Variants in MYLK4 observed in about 807,000 individuals in gnomAD.
The protein encoded by MYLK4 is caMLCK like.
Under a neutral mutation model 48.1 loss-of-function variants are expected in MYLK4, and 46 were observed. The ratio of observed to expected loss-of-function variants is 0.96; its 90% CI spans 0.75 to 1.22. MYLK4 has a LOEUF of 1.22. Ranked by LOEUF, MYLK4 falls within the 50% of genes most tolerant of loss-of-function variation. The probability of loss-of-function intolerance (pLI) is 0.00; values close to 1 mark genes in which losing one functional copy is unlikely to be tolerated. For synonymous variants in MYLK4, 170 were observed against 180.8 expected (o/e 0.94, Z 0.48); for missense variants, 451 against 486.1 (o/e 0.93, Z 0.68).
At chr6:2,681,068 T>C (rs1761280342) in intron 7 of MYLK4, among the ~76,000 whole-genome samples, 1 of 152,084 alleles carries the variant, frequency 6.6e-6, no homozygotes, top group South Asian at 2.1e-4. Flanking sequence ...CTTGGGAAAG[T>C]AAGAGATTTG....
chr6:2,717,946 C>T (rs1048074311), intron 2 of MYLK4, among the ~76,000 whole-genome samples: 19 of 152,094 alleles, frequency 1.2e-4, no homozygotes, highest in Non-Finnish European at 2.4e-4. Flanking sequence ...TTTGGGCGGC[C>T]GAGGCAGGCG....
At chr6:2,749,926 G>A (rs959456235) in intron 1 of MYLK4, among the ~76,000 whole-genome samples, 3 of 152,064 alleles carry the variant, frequency 2.0e-5, no homozygotes, top group Non-Finnish European at 4.4e-5. Context: ...GTCTTCTCAC[G>A]TGGACAGCAC....
chr6:2,752,273 T>G (rs951970840), upstream of MYLK4, among the ~76,000 whole-genome samples: 1 of 152,234 alleles, frequency 6.6e-6, no homozygotes, highest in Non-Finnish European at 1.5e-5. Flanking sequence ...GAGTTCCCCT[T>G]GCCCTGCACC....
intron 2 of MYLK4, among the ~76,000 whole-genome samples, chr6:2,748,739 C>T (rs1183514081): frequency 6.6e-6 from 1 of 152,240 alleles, no homozygotes; most frequent in Non-Finnish European, 1.5e-5. Context: ...TCACTATCAA[C>T]AGCTCTGCTG....
intron 2 of MYLK4, among the ~76,000 whole-genome samples, chr6:2,726,085 TTGTC>T: frequency 6.6e-6 from 1 of 152,186 alleles, no homozygotes. Flanking sequence ...AGTCGTCCCT[TTGTC>T]TGGCTGACTT....
chr6:2,721,639 C>T (rs1317655236), intron 2 of MYLK4, among the ~76,000 whole-genome samples: 1 of 152,246 alleles, frequency 6.6e-6, no homozygotes, highest in African/African-American at 2.4e-5. Flanking sequence ...GTAAGTTCCT[C>T]CTGAATAAAC....
At chr6:2,754,959 T>C (rs1764390840), upstream of MYLK4, among the ~76,000 whole-genome samples, 1 of 151,772 alleles carries the variant, frequency 6.6e-6, no homozygotes, top group Non-Finnish European at 1.5e-5. Flanking sequence ...AAAAGTAATT[T>C]CTATCTTTTA....
At chr6:2,765,435 C>T in the MYLK4 span, 7 of 620,990 alleles carry the variant, frequency 1.1e-5, no homozygotes, top group Non-Finnish European at 1.6e-5. Context: ...AGCGGCCGGC[C>T]GAGGGCGGGC....
At chr6:2,701,894 C>T (rs72831540) in intron 2 of MYLK4, among the ~76,000 whole-genome samples, 6,198 of 152,270 alleles carry the variant, frequency 0.041, 197 homozygotes, top group Non-Finnish European at 0.065. Flanking sequence ...TGAATTGGTG[C>T]GAAGAATCAT....
At chr6:2,680,587 CT>C (rs1218689632) in intron 7 of MYLK4, 2 of 985,198 alleles carry the variant, frequency 2.0e-6, no homozygotes, top group Non-Finnish European at 2.4e-6. Context: ...TGCTTCAGTC[CT>C]TCCCAAATGT....
At chr6:2,765,472 A>C in the MYLK4 span, 2 of 1,005,474 alleles carry the variant, frequency 2.0e-6, no homozygotes, top group African/African-American at 1.7e-5. Context: ...GACGTGAGGC[A>C]TGAGCGGCGC....
At chr6:2,763,653 C>T in the MYLK4 span, among the ~76,000 whole-genome samples, 2 of 152,262 alleles carry the variant, frequency 1.3e-5, no homozygotes, top group Non-Finnish European at 2.9e-5. Context: ...CCTCTCCCAC[C>T]ATACTTCCCC....
intron 1 of MYLK4, 125 bp downstream of exon 1, chr6:2,750,611 T>A (rs1188609011): frequency 6.6e-6 from 1 of 152,196 alleles, no homozygotes; most frequent in South Asian, 2.1e-4. Flanking sequence ...TAAGATACAA[T>A]AATTTTGCAA....
intron 2 of MYLK4, among the ~76,000 whole-genome samples, chr6:2,745,533 TA>T (rs1275611953): frequency 5.9e-5 from 9 of 152,216 alleles, no homozygotes; most frequent in African/African-American, 1.9e-4. Context: ...TGAAAACTTT[TA>T]AAATTTTACA....
the MYLK4 span, among the ~76,000 whole-genome samples, chr6:2,759,951 C>T: frequency 2.0e-5 from 3 of 152,118 alleles, no homozygotes; most frequent in African/African-American, 7.2e-5. Flanking sequence ...ACATGTTCTG[C>T]ACCTTCTCAT....
upstream of MYLK4, among the ~76,000 whole-genome samples, chr6:2,752,029 C>A (rs948300045): frequency 6.6e-6 from 1 of 152,088 alleles, no homozygotes; most frequent in African/African-American, 2.4e-5. Flanking sequence ...GATAAGGCAA[C>A]AAATGCCCTG....
intron 2 of MYLK4, among the ~76,000 whole-genome samples, chr6:2,721,961 A>G (rs141030837): frequency 2.0e-5 from 3 of 152,252 alleles, no homozygotes; most frequent in Admixed American, 6.5e-5. Context: ...ACAATCCTCC[A>G]TCATTCTCAG....
chr6:2,686,344 A>G (rs1406403645), intron 4 of MYLK4, among the ~76,000 whole-genome samples: 1 of 152,250 alleles, frequency 6.6e-6, no homozygotes, highest in Non-Finnish European at 1.5e-5. Context: ...ATTTTTGGAA[A>G]CTGCATATGT....
intron 1 of MYLK4, among the ~76,000 whole-genome samples, chr6:2,750,124 G>A (rs1189262087): frequency 1.3e-5 from 2 of 152,210 alleles, no homozygotes; most frequent in Admixed American, 6.5e-5. Flanking sequence ...GGCAGGGAGA[G>A]GGAGAGACAT....
Sources: allele counts gnomAD v4.1 joint callset (sites outside exome capture counted in the v4.1 genomes callset), GRCh38; gene constraint gnomAD v4.1.1; transcripts MANE v1.5; gene names NCBI Gene and HGNC (gene_info 2026-07-23, HGNC 2026-07-21).